The following GRID2 variants were observed in gnomAD, a reference collection of about 807,000 sequenced individuals.
The protein encoded by GRID2 is glutamate ionotropic receptor delta type subunit 2, also known as glutamate receptor ionotropic, delta-2.
A neutral mutation model predicts 114.8 loss-of-function variants in GRID2; 33 were observed. The ratio of observed to expected loss-of-function variants is 0.29; its 90% CI spans 0.22 to 0.38. GRID2 has a LOEUF of 0.38. Among genes scored for constraint, GRID2 ranks in the 10% least tolerant of loss-of-function variants. The probability of loss-of-function intolerance (pLI) is 1.00; values close to 1 mark genes in which losing one functional copy is unlikely to be tolerated. For synonymous variants in GRID2, 505 were observed against 449.9 expected, an observed-to-expected ratio of 1.12 and a Z score of -1.55; for missense variants, 1,184 against 1,257.7, an observed-to-expected ratio of 0.94 and a Z score of 0.89.
At chr4:92,563,469 A>AT (rs552066515) in intron 1 of GRID2, among the ~76,000 whole-genome samples, 287 of 152,094 alleles carry the variant, frequency 1.9e-3, no homozygotes, top group African/African-American at 6.7e-3. Flanking sequence ...TAATATTACT[A>AT]TTTTTTTCTC....
chr4:93,469,556 A>G (rs1026936498), intron 11 of GRID2, among the ~76,000 whole-genome samples: 2 of 152,086 alleles, frequency 1.3e-5, no homozygotes, highest in Non-Finnish European at 2.9e-5. Flanking sequence ...ACTCACAGAA[A>G]AAAAAATGAA....
chr4:93,168,054 G>A (rs372247160), intron 4 of GRID2, among the ~76,000 whole-genome samples: 5 of 151,982 alleles, frequency 3.3e-5, no homozygotes, highest in African/African-American at 9.7e-5. Flanking sequence ...AACTTAGCGA[G>A]GTGTAGTGGT....
At chr4:93,390,150 G>A (rs1437862001) in intron 8 of GRID2, among the ~76,000 whole-genome samples, 2 of 152,174 alleles carry the variant, frequency 1.3e-5, no homozygotes, top group Non-Finnish European at 2.9e-5. Context: ...ACCTGGAAAG[G>A]CTTTTAAACT....
At chr4:92,562,279 C>T (rs1727134864) in intron 1 of GRID2, among the ~76,000 whole-genome samples, 1 of 152,052 alleles carries the variant, frequency 6.6e-6, no homozygotes, top group African/African-American at 2.4e-5. Context: ...TCTCTAAGTG[C>T]CATAGATAAA....
rs67753622 is a variant in GRID2 at position 92,900,936 on chromosome 4, C to CTGTGTG, written c.245-184051_245-184046dup. Among the ~76,000 whole-genome samples, 367 of 149,868 alleles carry CTGTGTG rather than the reference C, an allele frequency of 2.4e-3. 2 individuals are homozygous for CTGTGTG. The highest frequency in any genetic ancestry group is 8.5e-3 in the African/African-American group (344 of 40,696). ...TGTTTTATGACTGAGTAGTATTCGT[C>CTGTGTG]TGTGTGTGTGTGTATTTCCCATTTT... is the stretch of plus-strand genomic sequence containing the variant. On this transcript the variant is annotated intron_variant, in intron 2 of 15. Transcript: ENST00000282020.
At chr4:93,165,645 T>G (rs991598427) in intron 4 of GRID2, among the ~76,000 whole-genome samples, 1 of 152,122 alleles carries the variant, frequency 6.6e-6, no homozygotes, top group Admixed American at 6.6e-5. Context: ...TGTTTTAGTT[T>G]TGCGCTAACT....
intron 2 of GRID2, among the ~76,000 whole-genome samples, chr4:92,596,089 G>T (rs527617895): frequency 6.6e-6 from 1 of 152,132 alleles, no homozygotes; most frequent in African/African-American, 2.4e-5. Context: ...CCAACAGCCT[G>T]TGTTTCCTGG....
intron 4 of GRID2, among the ~76,000 whole-genome samples, chr4:93,206,779 T>C (rs1332681989): frequency 6.6e-6 from 1 of 152,144 alleles, no homozygotes; most frequent in African/African-American, 2.4e-5. Flanking sequence ...TTATTAGCAA[T>C]CTAAAAGCTA....
intron 2 of GRID2, among the ~76,000 whole-genome samples, chr4:92,615,436 G>A (rs761959267): frequency 6.6e-6 from 1 of 151,560 alleles, no homozygotes; most frequent in African/African-American, 2.4e-5. Flanking sequence ...TAATATCAGT[G>A]TAGCTACACT....
At chr4:93,599,114 T>C (rs910547995) in intron 13 of GRID2, among the ~76,000 whole-genome samples, 2 of 152,230 alleles carry the variant, frequency 1.3e-5, no homozygotes, top group Non-Finnish European at 2.9e-5. Flanking sequence ...TGATACTGTC[T>C]CCTTTCACTT....
intron 1 of GRID2, among the ~76,000 whole-genome samples, chr4:92,345,239 T>G (rs2110171340): frequency 6.6e-6 from 1 of 152,350 alleles, no homozygotes; most frequent in East Asian, 1.9e-4. Context: ...GCTACTTCAC[T>G]TAGAATAATA....
chr4:92,483,842 C>A (rs929755029), intron 1 of GRID2, among the ~76,000 whole-genome samples: 1 of 152,010 alleles, frequency 6.6e-6, no homozygotes, highest in Non-Finnish European at 1.5e-5. Flanking sequence ...GCAGAATGCC[C>A]CTGTTGGTGT....
chr4:92,837,218 G>A (rs1410842793), intron 2 of GRID2, among the ~76,000 whole-genome samples: 1 of 152,060 alleles, frequency 6.6e-6, no homozygotes, highest in Non-Finnish European at 1.5e-5. Flanking sequence ...GTGTTTCATT[G>A]TCTGGATGAA....
At chr4:92,673,765 T>A (rs6853981) in intron 2 of GRID2, among the ~76,000 whole-genome samples, 9,266 of 152,060 alleles carry the variant, frequency 0.061, 336 homozygotes, top group East Asian at 0.16. Flanking sequence ...AGTTTGGGAA[T>A]TGAACAATGA....
chr4:92,597,676 T>G (rs1214218472), intron 2 of GRID2, among the ~76,000 whole-genome samples: 1 of 152,172 alleles, frequency 6.6e-6, no homozygotes, highest in Non-Finnish European at 1.5e-5. Context: ...CTTTCTTGTA[T>G]TCTTCTATGT....
At chr4:93,585,149 C>A (rs757944464) in intron 13 of GRID2, among the ~76,000 whole-genome samples, 12 of 152,100 alleles carry the variant, frequency 7.9e-5, no homozygotes, top group Non-Finnish European at 1.6e-4. Flanking sequence ...AGACCAAGTT[C>A]ACCTCTTAGT....
At chr4:93,679,900 C>T (rs1179027796) in intron 14 of GRID2, among the ~76,000 whole-genome samples, 3 of 150,858 alleles carry the variant, frequency 2.0e-5, no homozygotes, top group East Asian at 3.9e-4. Flanking sequence ...ATTCAAAAGC[C>T]AGAAGAAGGC....
At chr4:92,895,322 A>G (rs1747081025) in intron 2 of GRID2, among the ~76,000 whole-genome samples, 2 of 149,688 alleles carry the variant, frequency 1.3e-5, no homozygotes, top group South Asian at 2.1e-4. Flanking sequence ...CATGGGTTAA[A>G]GAAAGAATGT....
intron 2 of GRID2, among the ~76,000 whole-genome samples, chr4:92,763,567 T>G (rs558997643): frequency 6.6e-6 from 1 of 152,366 alleles, no homozygotes; most frequent in Admixed American, 6.5e-5. Context: ...AACAGCCATA[T>G]GTGCATAGGT....
Sources: gnomAD v4.1 joint callset for allele counts (sites outside exome capture counted in the v4.1 genomes callset) on GRCh38, gnomAD v4.1.1 for gene constraint, MANE v1.5 for transcripts, NCBI Gene and HGNC (gene_info 2026-07-23, HGNC 2026-07-21) for gene names.